Variants in AMBRA1 observed in about 807,000 individuals in gnomAD.
AMBRA1 encodes autophagy and beclin 1 regulator 1, also known as activating molecule in BECN1-regulated autophagy protein 1.
Under a neutral mutation model 125.4 loss-of-function variants are expected in AMBRA1, and 47 were observed. The observed-to-expected ratio is 0.37, with a 90% CI of 0.30 to 0.48. AMBRA1 has a LOEUF of 0.48. Ranked by LOEUF, AMBRA1 falls within the 20% of genes least tolerant of loss-of-function variation. AMBRA1 has a pLI of 0.99. For synonymous variants in AMBRA1, 626 were observed against 655.5 expected, an observed-to-expected ratio of 0.95 and a Z score of 0.69; for missense variants, 1,331 against 1,693.4, an observed-to-expected ratio of 0.79 and a Z score of 3.76.
intron 1 of AMBRA1, among the ~76,000 whole-genome samples, chr11:46,558,083 A>C (rs1305013236): frequency 6.6e-6 from 1 of 152,204 alleles, no homozygotes; most frequent in Non-Finnish European, 1.5e-5. Flanking sequence ...CCCAACCACC[A>C]GCTGAAAGCA....
chr11:46,593,211 A>G (rs2044670031), intron 1 of AMBRA1, among the ~76,000 whole-genome samples: 1 of 152,106 alleles, frequency 6.6e-6, no homozygotes, highest in Admixed American at 6.6e-5. Context: ...ACAATAACTC[A>G]CTGTTTTCAT....
chr11:46,513,882 CTTT>C (rs776154052), intron 7 of AMBRA1, among the ~76,000 whole-genome samples: 2 of 140,898 alleles, frequency 1.4e-5, no homozygotes, highest in Admixed American at 7.2e-5. Flanking sequence ...TTAGCTACAA[CTTT>C]TTTTTTTTTT....
intron 9 of AMBRA1, among the ~76,000 whole-genome samples, chr11:46,498,008 C>T (rs921915654): frequency 6.6e-6 from 1 of 152,164 alleles, no homozygotes; most frequent in African/African-American, 2.4e-5. Context: ...ACTTAGAAAA[C>T]TACACAGAAA....
At chr11:46,495,683 T>C (rs757351273) in intron 9 of AMBRA1, among the ~76,000 whole-genome samples, 1 of 152,168 alleles carries the variant, frequency 6.6e-6, no homozygotes, top group Non-Finnish European at 1.5e-5. Context: ...AGCCCACAAA[T>C]TATACATGTA....
intron 9 of AMBRA1, chr11:46,504,436 G>C (rs1950958337): frequency 6.6e-6 from 1 of 152,134 alleles, no homozygotes; most frequent in Non-Finnish European, 1.5e-5. Flanking sequence ...AGGTGGTCTG[G>C]GCTTGAAAGC....
intron 1 of AMBRA1, among the ~76,000 whole-genome samples, chr11:46,564,093 G>A (rs1392878526): frequency 1.4e-5 from 2 of 145,368 alleles, no homozygotes; most frequent in Admixed American, 7.1e-5. Flanking sequence ...GCAGTGAGCC[G>A]AGATGGCGCC....
At chr11:46,416,119 G>A (rs903594846) in intron 15 of AMBRA1, among the ~76,000 whole-genome samples, 2 of 152,180 alleles carry the variant, frequency 1.3e-5, no homozygotes, top group African/African-American at 4.8e-5. Flanking sequence ...GGGAAAGAAA[G>A]GCCTGTAACT....
intron 7 of AMBRA1, among the ~76,000 whole-genome samples, chr11:46,513,543 A>G (rs752195649): frequency 1.3e-5 from 2 of 152,200 alleles, no homozygotes; most frequent in Non-Finnish European, 2.9e-5. Flanking sequence ...GACTACATAC[A>G]TGAGAACACT....
At chr11:46,490,149 AC>A (rs1280383687) in intron 11 of AMBRA1, among the ~76,000 whole-genome samples, 2 of 152,238 alleles carry the variant, frequency 1.3e-5, no homozygotes, top group Non-Finnish European at 2.9e-5. Context: ...GTGGTCTGCT[AC>A]AATGTCAGCA....
intron 1 of AMBRA1, among the ~76,000 whole-genome samples, chr11:46,567,031 T>G (rs938989710): frequency 6.6e-6 from 1 of 152,110 alleles, no homozygotes; most frequent in African/African-American, 2.4e-5. Context: ...ATAAATAAAA[T>G]TAAAATAAAT....
At chr11:46,480,928 C>T (rs1268816854) in intron 11 of AMBRA1, among the ~76,000 whole-genome samples, 2 of 152,180 alleles carry the variant, frequency 1.3e-5, no homozygotes, top group Admixed American at 6.5e-5. Context: ...ATCTCTAACC[C>T]TTCACTAGCC....
At chr11:46,562,926 G>A (rs1221031329) in intron 1 of AMBRA1, among the ~76,000 whole-genome samples, 1 of 151,590 alleles carries the variant, frequency 6.6e-6, no homozygotes, top group Non-Finnish European at 1.5e-5. Context: ...TCAGCCTCCT[G>A]AGTAGCTGGG....
At chr11:46,459,938 C>T (rs1021983867) in intron 11 of AMBRA1, among the ~76,000 whole-genome samples, 21 of 152,180 alleles carry the variant, frequency 1.4e-4, no homozygotes, top group African/African-American at 5.1e-4. Flanking sequence ...GCCTCAGGTT[C>T]CCTCTTTTCA....
At chr11:46,530,140 G>A (rs1017292051) in intron 7 of AMBRA1, among the ~76,000 whole-genome samples, 3 of 152,158 alleles carry the variant, frequency 2.0e-5, no homozygotes, top group African/African-American at 2.4e-5. Flanking sequence ...ATCTGAAGGG[G>A]GAAGAATGAG....
At chr11:46,466,634 T>A (rs1468673115) in intron 11 of AMBRA1, among the ~76,000 whole-genome samples, 1 of 152,236 alleles carries the variant, frequency 6.6e-6, no homozygotes, top group Non-Finnish European at 1.5e-5. Flanking sequence ...AAGGAACTTG[T>A]CATCTGTGTG....
chr11:46,458,636 G>A (rs566690756), intron 11 of AMBRA1, among the ~76,000 whole-genome samples: 25 of 152,012 alleles, frequency 1.6e-4, no homozygotes, highest in Middle Eastern at 6.8e-3. Flanking sequence ...TTGCTCTGTC[G>A]CCCAGGCTGG....
chr11:46,409,409 A>C (rs528970212), intron 16 of AMBRA1, among the ~76,000 whole-genome samples: 27 of 152,290 alleles, frequency 1.8e-4, no homozygotes, highest in Admixed American at 1.6e-3. Flanking sequence ...CATGTTGGCC[A>C]GGATGGTCTC....
intron 1 of AMBRA1, among the ~76,000 whole-genome samples, chr11:46,569,440 A>AATATATATATAT (rs1243484151): frequency 7.6e-6 from 1 of 131,368 alleles, no homozygotes; most frequent in African/African-American, 2.9e-5. Flanking sequence ...AAAAAAAAAA[A>AATATATATATAT]ATATATATAT....
intron 1 of AMBRA1, among the ~76,000 whole-genome samples, chr11:46,585,032 G>A (rs1474498184): frequency 1.3e-5 from 2 of 151,984 alleles, no homozygotes; most frequent in Admixed American, 1.3e-4. Context: ...ACCACTCACT[G>A]CACTCCAGCC....
Sources: allele counts gnomAD v4.1 joint callset (sites outside exome capture counted in the v4.1 genomes callset), GRCh38; gene constraint gnomAD v4.1.1; transcripts MANE v1.5; gene names NCBI Gene and HGNC (gene_info 2026-07-23, HGNC 2026-07-21).